MACROD2: variants seen among roughly 807,000 people sequenced by gnomAD.
MACROD2 encodes the protein ADP-ribose glycohydrolase MACROD2.
Under a neutral mutation model 70.4 loss-of-function variants are expected in MACROD2, and 36 were observed. That is an observed-to-expected ratio of 0.51 (90% CI 0.39 to 0.68). The LOEUF (loss-of-function observed/expected upper bound fraction) is 0.68, where lower values mean the gene tolerates loss of function less well. Among genes scored for constraint, MACROD2 ranks in the 30% least tolerant of loss-of-function variants. The pLI, the probability that MACROD2 is intolerant of heterozygous loss-of-function variation, is 0.00. For missense variants in MACROD2, 496 were observed against 538.4 expected, an observed-to-expected ratio of 0.92 and a Z score of 0.78; for synonymous variants, 172 against 178.8, an observed-to-expected ratio of 0.96 and a Z score of 0.30.
At position 14,887,645 on chromosome 20, in the gene MACROD2, C is replaced by T. The variant is rs560066923; in HGVS notation, c.418+202686C>T. Among the ~76,000 whole-genome samples, 25 of 152,104 alleles carry T rather than the reference C, an allele frequency of 1.6e-4. No individual in the cohort carries two copies. The South Asian group carries it at 5.2e-3, about 32-fold the overall frequency. ...TCAAGCAATCCATCCACCTCAGCCT[C>T]CCAGAGTGCTGAGATTACAGATGTG... is the stretch of plus-strand genomic sequence containing the variant. On this transcript the variant is annotated intron_variant, in intron 5 of 17. Transcript: ENST00000684519.
chr20:14,226,321 A>G (rs2081732969), intron 3 of MACROD2, among the ~76,000 whole-genome samples: 1 of 152,160 alleles, frequency 6.6e-6, no homozygotes, highest in African/African-American at 2.4e-5. Context: ...TAAGGATTGA[A>G]TGCTGGTGAG....
intron 5 of MACROD2, among the ~76,000 whole-genome samples, chr20:14,695,048 C>G (rs2071107066): frequency 6.6e-6 from 1 of 152,136 alleles, no homozygotes; most frequent in South Asian, 2.1e-4. Context: ...CCCTCTCTCT[C>G]TCTCTCTCTT....
At chr20:15,602,830 G>A (rs2048840492) in intron 8 of MACROD2, among the ~76,000 whole-genome samples, 1 of 151,980 alleles carries the variant, frequency 6.6e-6, no homozygotes, top group African/African-American at 2.4e-5. Context: ...TGATAACCCT[G>A]CCATTTTACT....
intron 6 of MACROD2, among the ~76,000 whole-genome samples, chr20:15,250,780 T>A (rs1308887499): frequency 6.6e-6 from 1 of 152,212 alleles, no homozygotes; most frequent in African/African-American, 2.4e-5. Context: ...TATATTTGTA[T>A]GCTTATTTGA....
intron 3 of MACROD2, among the ~76,000 whole-genome samples, chr20:14,481,796 A>G (rs1283557249): frequency 6.6e-6 from 1 of 152,194 alleles, no homozygotes; most frequent in Non-Finnish European, 1.5e-5. Flanking sequence ...CCTCAGTTTC[A>G]TCATTTGTTA....
At chr20:14,270,965 G>A (rs1250481224) in intron 3 of MACROD2, among the ~76,000 whole-genome samples, 2 of 152,222 alleles carry the variant, frequency 1.3e-5, no homozygotes, top group Non-Finnish European at 2.9e-5. Context: ...GCCCAGGCTT[G>A]CTTAGGTAAA....
At chr20:15,221,363 T>C (rs1433535456) in intron 5 of MACROD2, among the ~76,000 whole-genome samples, 1 of 152,172 alleles carries the variant, frequency 6.6e-6, no homozygotes, top group East Asian at 1.9e-4. Flanking sequence ...GTGTTCTCTT[T>C]GGGTTCATTC....
At chr20:14,943,616 A>T (rs1193809644) in intron 5 of MACROD2, among the ~76,000 whole-genome samples, 1 of 152,160 alleles carries the variant, frequency 6.6e-6, no homozygotes, top group African/African-American at 2.4e-5. Context: ...AGAGCATTTG[A>T]CTGATTCCCC....
intron 5 of MACROD2, among the ~76,000 whole-genome samples, chr20:14,948,660 T>C (rs2074452038): frequency 6.6e-6 from 1 of 152,150 alleles, no homozygotes; most frequent in East Asian, 1.9e-4. Flanking sequence ...TAGGCCTCCC[T>C]GGGCCAAGAG....
chr20:15,529,306 G>T (rs1397052730), intron 8 of MACROD2, among the ~76,000 whole-genome samples: 3 of 152,010 alleles, frequency 2.0e-5, no homozygotes, highest in Non-Finnish European at 4.4e-5. Flanking sequence ...GTGTGTGTGT[G>T]TGTGTAAGTG....
At chr20:14,513,377 A>G (rs1436372780) in intron 4 of MACROD2, among the ~76,000 whole-genome samples, 1 of 152,104 alleles carries the variant, frequency 6.6e-6, no homozygotes, top group Non-Finnish European at 1.5e-5. Flanking sequence ...TAGTAATTAA[A>G]TAGTTGTGCT....
chr20:15,931,261 G>A (rs555336979), intron 10 of MACROD2, among the ~76,000 whole-genome samples: 1 of 152,258 alleles, frequency 6.6e-6, no homozygotes, highest in East Asian at 1.9e-4. Context: ...CCAGAACAGG[G>A]AAAATATCAG....
At chr20:15,756,640 G>T (rs2051351832) in intron 8 of MACROD2, among the ~76,000 whole-genome samples, 2 of 152,108 alleles carry the variant, frequency 1.3e-5, no homozygotes, top group Admixed American at 6.5e-5. Flanking sequence ...AACATGCTCT[G>T]AATTTGAATA....
chr20:15,501,261 A>G (rs531582395), intron 8 of MACROD2, among the ~76,000 whole-genome samples: 5 of 152,348 alleles, frequency 3.3e-5, no homozygotes, highest in Non-Finnish European at 7.4e-5. Flanking sequence ...AGCATGTTGC[A>G]TGAGTGAAAG....
intron 5 of MACROD2, among the ~76,000 whole-genome samples, chr20:14,978,501 G>A (rs982726789): frequency 6.6e-6 from 1 of 151,566 alleles, no homozygotes; most frequent in African/African-American, 2.4e-5. Flanking sequence ...TTTTAACCTT[G>A]CTAGTTTTCC....
chr20:15,860,313 G>A (rs929008266), intron 8 of MACROD2, among the ~76,000 whole-genome samples: 1 of 152,180 alleles, frequency 6.6e-6, no homozygotes, highest in African/African-American at 2.4e-5. Flanking sequence ...GGGGAAATGT[G>A]TAGGAATGAC....
At chr20:14,404,607 A>AAT (rs2083673625) in intron 3 of MACROD2, among the ~76,000 whole-genome samples, 1 of 148,756 alleles carries the variant, frequency 6.7e-6, no homozygotes, top group South Asian at 2.2e-4. Flanking sequence ...CCAAAAAAAA[A>AAT]ATAATAATAT....
chr20:15,814,747 G>A (rs73246195), intron 8 of MACROD2, among the ~76,000 whole-genome samples: 1 of 152,226 alleles, frequency 6.6e-6, no homozygotes, highest in East Asian at 1.9e-4. Flanking sequence ...ACTTACCTGG[G>A]TTATGCATTC....
intron 5 of MACROD2, among the ~76,000 whole-genome samples, chr20:15,176,225 C>G (rs987501557): frequency 3.3e-5 from 5 of 152,186 alleles, no homozygotes; most frequent in Non-Finnish European, 5.9e-5. Context: ...TACCCCTTGG[C>G]AGGAACAGCC....
Sources: gnomAD v4.1 joint callset for allele counts (sites outside exome capture counted in the v4.1 genomes callset) on GRCh38, gnomAD v4.1.1 for gene constraint, MANE v1.5 for transcripts, NCBI Gene and HGNC (gene_info 2026-07-23, HGNC 2026-07-21) for gene names.